The following FBXO17 variants were observed in gnomAD, a reference collection of about 807,000 sequenced individuals.
FBXO17 encodes the protein F-box only protein 17.
Under a neutral mutation model 34.1 loss-of-function variants are expected in FBXO17, and 43 were observed. The observed-to-expected ratio is 1.26, with a 90% CI of 0.99 to 1.62. The LOEUF is 1.62. Among genes scored for constraint, FBXO17 ranks in the 40% most tolerant of loss-of-function variants. The pLI, the probability that FBXO17 is intolerant of heterozygous loss-of-function variation, is 0.00. For missense variants in FBXO17, 424 were observed against 386.7 expected (o/e 1.10, Z -0.81); for synonymous variants, 169 against 166.0 (o/e 1.02, Z -0.14).
At chr19:38,960,784 A>G (rs887951878) in intron 1 of FBXO17, among the ~76,000 whole-genome samples, 2 of 146,126 alleles carry the variant, frequency 1.4e-5, no homozygotes, top group Non-Finnish European at 3.0e-5. Context: ...CTGGGACTAC[A>G]GGCATGAGCC....
Position 38,946,219 on chromosome 19 carries a change from C to A in FBXO17, c.557+253G>T, listed in dbSNP as rs1974980691. The A allele has an allele frequency of 1.6e-5, 9 of 572,194 alleles. No homozygotes were observed. In the South Asian group the frequency reaches 1.9e-4, roughly 12 times the overall value. The allele number at this position is 572,194 out of a possible 1,614,324, so 35.4% of individuals were successfully genotyped here. A position where few individuals can be genotyped will look rare whatever the true frequency, so the allele number is the denominator to read the frequency against. ...TGTCTCGTTTCAGAGGGGTATCAAG[C>A]CAGTCAGTGGCCCCCTGTGGACCAC... On this transcript the variant is annotated intron_variant, in intron 4 of 5. Coordinates refer to ENST00000292852, the MANE Select transcript of FBXO17 (RefSeq NM_024907.7).
At chr19:38,953,786 G>T (rs142872979) in intron 1 of FBXO17, among the ~76,000 whole-genome samples, 1 of 152,156 alleles carries the variant, frequency 6.6e-6, no homozygotes, top group African/African-American at 2.4e-5. Flanking sequence ...AGAGAGAGGT[G>T]AGAACCAGGG....
rs140443338 is a variant in FBXO17 at position 38,945,983 on chromosome 19, C to T, written c.557+489G>A. ...AAGAGCCAGAGCCCCAGGGAAGAGA[C>T]CAGATTTTCTATGGAAGAGCCACAG... On this transcript the variant is annotated intron_variant, in intron 4 of 5. Transcript: ENST00000292852. 1.6e-4 allele frequency: 30 copies of T among 183,508 alleles called. No individual in the cohort carries two copies. In the East Asian group the frequency reaches 3.4e-3, roughly 21 times the overall value. The allele number at this position is 183,508 out of a possible 1,614,324, so 11.4% of individuals were successfully genotyped here.
At chr19:38,946,853 A>C in intron 3 of FBXO17, 1 of 425,638 alleles carries the variant, frequency 2.3e-6, no homozygotes, top group Non-Finnish European at 4.3e-6. Context: ...AAGGCCACAT[A>C]CTAGACATGT....
chr19:38,946,729 T>G, intron 3 of FBXO17, 162 bp from the exon 4 acceptor site: 1 of 1,007,422 alleles, frequency 9.9e-7, no homozygotes, highest in Non-Finnish European at 1.4e-6. Flanking sequence ...TATACATCTC[T>G]CCTTGGCCTC....
At chr19:38,946,199 C>T (rs1296456472) in intron 4 of FBXO17, 7 of 517,428 alleles carry the variant, frequency 1.4e-5, no homozygotes, top group Non-Finnish European at 2.4e-5. Context: ...GGAGGTGTCT[C>T]GTTTCAGAGG....
intron 1 of FBXO17, among the ~76,000 whole-genome samples, chr19:38,971,131 C>A (rs77533848): frequency 0.013 from 2,016 of 151,686 alleles, 54 homozygotes; most frequent in African/African-American, 0.043. Context: ...AGTCTAGACT[C>A]CCAAATGCAT....
chr19:38,969,276 C>G (rs963540189), intron 1 of FBXO17, among the ~76,000 whole-genome samples: 1 of 151,536 alleles, frequency 6.6e-6, no homozygotes, highest in African/African-American at 2.4e-5. Context: ...TAGTGAGACC[C>G]CCGTCTCTAC....
Position 38,948,677 on chromosome 19 carries a change from C to T in FBXO17, c.351G>A (p.Gln117=). The T allele has an allele frequency of 6.2e-7, 1 of 1,613,672 alleles. No homozygotes were observed. The highest frequency in any genetic ancestry group is 8.5e-7 in the Non-Finnish European group (1 of 1,179,826). ...RNLIFNSCGE[Q]GFRGWEVEHG... is the part of the protein sequence containing the mutation. ...GCTCCACCTCCCAGCCTCTGAAGCCCTCTGTGGGAAAACAAGAGTTGAACA... is the reference window on the plus strand; with the variant it reads ...GCTCCACCTCCCAGCCTCTGAAGCCTTCTGTGGGAAAACAAGAGTTGAACA... Residue 117 remains glutamine (Q), a splice_region_variant and synonymous_variant, in exon 3 of 6, where the codon CAG becomes CAA. Transcript: ENST00000292852.
At chr19:38,960,784 A>C (rs887951878) in intron 1 of FBXO17, among the ~76,000 whole-genome samples, 1 of 146,136 alleles carries the variant, frequency 6.8e-6, no homozygotes, top group South Asian at 2.2e-4. Flanking sequence ...CTGGGACTAC[A>C]GGCATGAGCC....
chr19:38,943,012 T>C (rs1469729468), intron 5 of FBXO17, among the ~76,000 whole-genome samples: 1 of 151,972 alleles, frequency 6.6e-6, no homozygotes, highest in African/African-American at 2.4e-5. Flanking sequence ...TAGAGTGAGT[T>C]AGCAAAGGCC....
intron 1 of FBXO17, among the ~76,000 whole-genome samples, chr19:38,958,105 CA>C (rs74920933): frequency 0.014 from 1,367 of 100,202 alleles, 5 homozygotes; most frequent in African/African-American, 0.014. Context: ...GATCCTGCCT[CA>C]AAAAAAAAAA....
At chr19:38,972,807 T>G (rs1048450447) in intron 1 of FBXO17, among the ~76,000 whole-genome samples, 1 of 152,064 alleles carries the variant, frequency 6.6e-6, no homozygotes, top group Non-Finnish European at 1.5e-5. Flanking sequence ...TCGCCCAGGC[T>G]GGGGTGCAAT....
At chr19:38,966,056 C>T (rs1975315723) in intron 1 of FBXO17, among the ~76,000 whole-genome samples, 2 of 151,878 alleles carry the variant, frequency 1.3e-5, no homozygotes, top group South Asian at 4.1e-4. Flanking sequence ...CTGCAACCTC[C>T]ACTTCTGGGT....
At chr19:38,954,202 T>A (rs1975128423) in intron 1 of FBXO17, among the ~76,000 whole-genome samples, 1 of 151,866 alleles carries the variant, frequency 6.6e-6, no homozygotes, top group African/African-American at 2.4e-5. Context: ...GAAGGCTGGA[T>A]TTAACCAGGG....
At position 38,948,829 on chromosome 19, in the gene FBXO17, C is replaced by T. The variant is rs1424807407; in HGVS notation, c.350-151G>A. 4 of 644,560 alleles carry T rather than the reference C, an allele frequency of 6.2e-6. No individual in the cohort carries two copies. In the East Asian group the frequency reaches 1.1e-4, roughly 18 times the overall value. The allele number at this position is 644,560 out of a possible 1,614,324, so 39.9% of individuals were successfully genotyped here. A position where few individuals can be genotyped will look rare whatever the true frequency, so the allele number is the denominator to read the frequency against. ...CCTACCGACTCCTCCTCCCATTATT[C>T]TGTATTCCTGGTCCTACCCCACAAC... On this transcript the variant is annotated intron_variant, in intron 2 of 5. Transcript: ENST00000292852.
intron 1 of FBXO17, among the ~76,000 whole-genome samples, chr19:38,951,122 C>A (rs1249688723): frequency 6.6e-6 from 1 of 152,040 alleles, no homozygotes; most frequent in Non-Finnish European, 1.5e-5. Context: ...GGCATTGTGA[C>A]CCAACCAAGG....
intron 1 of FBXO17, among the ~76,000 whole-genome samples, chr19:38,970,354 C>G (rs755661877): frequency 1.5e-4 from 23 of 151,928 alleles, no homozygotes; most frequent in Non-Finnish European, 2.8e-4. Flanking sequence ...ACCACAGGCA[C>G]ACACCACCAT....
At chr19:38,974,231 A>G (rs910539182) in intron 1 of FBXO17, among the ~76,000 whole-genome samples, 1 of 151,322 alleles carries the variant, frequency 6.6e-6, no homozygotes, top group Non-Finnish European at 1.5e-5. Flanking sequence ...ACAGGCGCCT[A>G]CCACCACGCC....
Sources: gnomAD v4.1 joint callset for allele counts (sites outside exome capture counted in the v4.1 genomes callset) on GRCh38, gnomAD v4.1.1 for gene constraint, MANE v1.5 for transcripts, NCBI Gene and HGNC (gene_info 2026-07-23, HGNC 2026-07-21) for gene names.